The following ACR variants were observed in gnomAD, a reference collection of about 807,000 sequenced individuals.
ACR encodes the protein acrosin, also known as acrosin light and heavy chain prepropeptide.
ACR carries 17 observed loss-of-function variants against 26.0 expected under a neutral mutation model. The observed-to-expected ratio is 0.65, with a 90% CI of 0.45 to 0.98. ACR has a LOEUF of 0.98. Ranked by LOEUF, ACR falls within the 50% of genes least tolerant of loss-of-function variation. ACR has a pLI of 0.00. For missense variants in ACR, 435 were observed against 519.3 expected (o/e 0.84, Z 1.58); for synonymous variants, 199 against 207.7 (o/e 0.96, Z 0.36).
chr22:50,740,103 G>A (rs2083418636), intron 3 of ACR, 126 bp downstream of exon 3: 1 of 1,253,346 alleles, frequency 8.0e-7, no homozygotes, highest in South Asian at 1.2e-5. Flanking sequence ...GCTACACGTA[G>A]AGCCATCACT....
At chr22:50,743,090 C>T (rs1417243526) in intron 3 of ACR, among the ~76,000 whole-genome samples, 4 of 151,738 alleles carry the variant, frequency 2.6e-5, no homozygotes, top group African/African-American at 9.7e-5. Context: ...GGCTGGAGTG[C>T]AGTGGCGCCA....
In ACR at chr22:50,745,062, C is replaced by T; in HGVS notation, c.1121C>T (p.Ser374Phe). The part of the protein sequence containing the change: ...PPPPPPPTPS[S>F]TTKLPQGLSF... ...CCCCCACCCCCACCTACACCCTCAT[C>T]TACCACAAAACTTCCCCAAGGACTT... The change falls in exon 5 of 5, where the codon TCT (serine) becomes TTT (phenylalanine). Residue 374 changes from serine to phenylalanine, a missense_variant. Ser to Phe is a radical substitution (Grantham distance 155, BLOSUM62 -2). Transcript: ENST00000216139. 1.6e-6 allele frequency: 1 copy of T among 611,412 alleles called. No homozygotes were observed. The highest frequency in any genetic ancestry group is 2.6e-6 in the Non-Finnish European group (1 of 387,420). The allele number at this position is 611,412 out of a possible 1,614,324, so 37.9% of individuals were successfully genotyped here. A position where few individuals can be genotyped will look rare whatever the true frequency, so the allele number is the denominator to read the frequency against.
At chr22:50,743,281 C>T (rs1299921351) in intron 3 of ACR, among the ~76,000 whole-genome samples, 2 of 152,088 alleles carry the variant, frequency 1.3e-5, no homozygotes, top group Non-Finnish European at 2.9e-5. Context: ...GTGATCCGCC[C>T]GCCTCGGCCT....
At position 50,739,874 on chromosome 22, in the gene ACR, T is replaced by C; in HGVS notation, c.462T>C (p.Cys154=). The C allele has an allele frequency of 1.2e-6, 2 of 1,612,554 alleles. No individual in the cohort carries two copies. The highest frequency in any genetic ancestry group is 1.7e-6 in the Non-Finnish European group (2 of 1,178,966). The change falls in exon 3 of 5, where the codon TGT becomes TGC. Residue 154 remains cysteine, a synonymous_variant. Transcript: ENST00000216139. This position sits in a 1 kb window ranked among gnomAD's most constrained non-coding sequence, Gnocchi z 5.5. ...ALVEITPPIS[C]GRFIGPGCLP... The stretch of plus-strand genomic sequence containing the variant: ...TGGAGATCACCCCTCCCATTTCGTG[T>C]GGGCGCTTCATTGGGCCGGGCTGCC...
chr22:50,740,866 C>A, intron 3 of ACR: 1 of 606,862 alleles, frequency 1.6e-6, no homozygotes, highest in Non-Finnish European at 3.0e-6. Context: ...ATTACTGACT[C>A]CGTGGTCAGA....
intron 3 of ACR, among the ~76,000 whole-genome samples, chr22:50,743,158 C>T (rs1232495664): frequency 6.6e-6 from 1 of 150,670 alleles, no homozygotes; most frequent in East Asian, 1.9e-4. Flanking sequence ...GCCTCAGCCT[C>T]CCGAGTAGCT....
At chr22:50,741,133 C>G (rs1280385388) in intron 3 of ACR, among the ~76,000 whole-genome samples, 1 of 152,094 alleles carries the variant, frequency 6.6e-6, no homozygotes, top group South Asian at 2.1e-4. Context: ...GAGTCTAAAA[C>G]GCAGCCTTTT....
At chr22:50,742,701 C>T (rs2083430492) in intron 3 of ACR, among the ~76,000 whole-genome samples, 1 of 152,180 alleles carries the variant, frequency 6.6e-6, no homozygotes, top group Non-Finnish European at 1.5e-5. Context: ...GATTAAAAAA[C>T]GGAAAGCCAG....
intron 4 of ACR, 128 bp downstream of exon 4, chr22:50,744,334 A>T (rs576305494): frequency 0.028 from 20,835 of 753,558 alleles, 330 homozygotes; most frequent in Non-Finnish European, 0.034. Flanking sequence ...TTCTCTAGTG[A>T]CTGCTTCCCC....
In ACR at chr22:50,744,980, C is replaced by T. The variant is rs1569125380; in HGVS notation, c.1039C>T (p.Pro347Ser). The T allele has an allele frequency of 9.7e-7, 1 of 1,028,728 alleles. No homozygotes were observed. Among genetic ancestry groups the T allele is most frequent in the Non-Finnish European group, 1.4e-6 (1 of 732,146 alleles). 63.7% of individuals were successfully genotyped at this position (1,028,728 alleles called of 1,614,324 possible). Residue 347 changes from proline (P) to serine (S), a missense_variant, in exon 5 of 5, where the codon CCA becomes TCA. Coordinates refer to ENST00000216139, the MANE Select transcript of ACR (RefSeq NM_001097.3). ...PRPPAAQPRPPPSPPPPPPPP... is the reference protein window; with the variant it reads ...PRPPAAQPRPSPSPPPPPPPP... ...ACCACCGGCAGCCCAGCCCCGACCC[C>T]CACCTTCACCCCCGCCCCCACCCCC...
chr22:50,740,660 C>T (rs557489719), intron 3 of ACR: 66 of 702,522 alleles, frequency 9.4e-5, no homozygotes, highest in Middle Eastern at 2.3e-4. Flanking sequence ...CCATTCAAGA[C>T]GGGTGTAGCT....
chr22:50,738,420 AC>A (rs951600796), intron 1 of ACR, 108 bp downstream of exon 1: 156 of 1,050,312 alleles, frequency 1.5e-4, no homozygotes, highest in Non-Finnish European at 1.8e-4. Flanking sequence ...CCTAACCTGG[AC>A]CCCCCCTGCT....
Position 50,739,565 on chromosome 22 carries a change from G to A in ACR, c.281+91G>A. ...GGGATGCTGTGCAGCGTCTCCCTGGGGCTCTGGGCCAAGTGGCTGCAAGAC... is the reference window on the plus strand; with the variant it reads ...GGGATGCTGTGCAGCGTCTCCCTGGAGCTCTGGGCCAAGTGGCTGCAAGAC... On this transcript the variant is annotated intron_variant, in intron 2 of 4. Transcript: ENST00000216139. This position sits in a 1 kb window ranked among gnomAD's most constrained non-coding sequence, Gnocchi z 5.5. 1.9e-6 allele frequency: 3 copies of A among 1,580,732 alleles called. No individual in the cohort carries two copies. The highest frequency in any genetic ancestry group is 2.6e-6 in the Non-Finnish European group (3 of 1,158,054).
At chr22:50,742,678 TG>T (rs201638160) in intron 3 of ACR, among the ~76,000 whole-genome samples, 1,542 of 151,570 alleles carry the variant, frequency 0.01, 22 homozygotes, top group African/African-American at 0.036. Context: ...TAAGAAAAGG[TG>T]GGGGCTAAGG....
At chr22:50,742,292 C>T (rs947449774) in intron 3 of ACR, among the ~76,000 whole-genome samples, 26 of 152,128 alleles carry the variant, frequency 1.7e-4, no homozygotes, top group Non-Finnish European at 7.4e-5. Context: ...CTCCTGTAAT[C>T]CCAGCACTTT....
At chr22:50,740,696 C>T (rs1321531181) in intron 3 of ACR, 3 of 702,542 alleles carry the variant, frequency 4.3e-6, no homozygotes, top group Non-Finnish European at 7.8e-6. Context: ...TGTCCATAAC[C>T]AAGCTGTCTC....
Position 50,745,292 on chromosome 22 carries a change from T to G in ACR, c.*85T>G, listed in dbSNP as rs1262262416. 4 of 1,071,338 alleles carry G rather than the reference T, an allele frequency of 3.7e-6. No individual in the cohort carries two copies. The African/African-American group carries it at 6.6e-5, about 18-fold the overall frequency. 66.4% of individuals were successfully genotyped at this position (1,071,338 alleles called of 1,614,324 possible). A position where few individuals can be genotyped will look rare whatever the true frequency, so the allele number is the denominator to read the frequency against. On this transcript the variant is annotated 3_prime_UTR_variant, in exon 5 of 5. Coordinates refer to ENST00000216139, the MANE Select transcript of ACR (RefSeq NM_001097.3). Reference sequence around the variant, plus strand: ...AAATAAATAAATAAACATATATATATAGATATACACACACACATATCTGTA... The same window carrying G: ...AAATAAATAAATAAACATATATATAGAGATATACACACACACATATCTGTA...
chr22:50,740,122 C>T lies in ACR; in HGVS notation c.565+145C>T, dbSNP rs558801162. Reference sequence around the variant, plus strand: ...CACGTAGAGCCATCACTGTGGCCTTCCACAGTCCCCTGTGCCAGGTCACGT... The same window carrying T: ...CACGTAGAGCCATCACTGTGGCCTTTCACAGTCCCCTGTGCCAGGTCACGT... On this transcript the variant is annotated intron_variant, in intron 3 of 4. Coordinates refer to ENST00000216139, the MANE Select transcript of ACR (RefSeq NM_001097.3). 58 of 1,058,548 alleles carry T rather than the reference C, an allele frequency of 5.5e-5. No individual in the cohort carries two copies. In the African/African-American group the frequency reaches 7.0e-4, roughly 13 times the overall value. The allele number at this position is 1,058,548 out of a possible 1,614,324, so 65.6% of individuals were successfully genotyped here.
chr22:50,744,753 G>A lies in ACR; in HGVS notation c.812G>A (p.Arg271His), dbSNP rs149767101. 1.1e-5 allele frequency: 18 copies of A among 1,603,464 alleles called. No individual in the cohort carries two copies. Among genetic ancestry groups the A allele is most frequent in the South Asian group, 2.2e-5 (2 of 90,410 alleles). Reference sequence around the variant, plus strand: ...GGGGTAGGCTGTGCCCGTGCCAAGCGCCCCGGAATCTACACGGCCACCTGG... The same window carrying A: ...GGGGTAGGCTGTGCCCGTGCCAAGCACCCCGGAATCTACACGGCCACCTGG... ...SWGVGCARAK[R>H]PGIYTATWPY... Residue 271 changes from arginine to histidine, a missense_variant, in exon 5 of 5, where the codon CGC (arginine) becomes CAC (histidine). Physicochemically the swap from Arg to His is conservative, Grantham distance 29. Around this residue, in one of 3 missense-constraint regions of ACR, gnomAD observed 314 missense variants for 372.0 expected, o/e 0.84. Transcript: ENST00000216139.
Sources: allele counts gnomAD v4.1 joint callset (sites outside exome capture counted in the v4.1 genomes callset), GRCh38; gene constraint gnomAD v4.1.1; regional missense constraint gnomAD v4.1.1; non-coding constraint Gnocchi (gnomAD v3.1); transcripts MANE v1.5; gene names NCBI Gene and HGNC (gene_info 2026-07-23, HGNC 2026-07-21).